The following CDH12 variants were observed in gnomAD, a reference collection of about 807,000 sequenced individuals.
The protein encoded by CDH12 is cadherin 12, also known as cadherin-12.
CDH12 carries 41 observed loss-of-function variants against 74.1 expected under a neutral mutation model. That is an observed-to-expected ratio of 0.55 (90% CI 0.43 to 0.72). The LOEUF is 0.72. Ranked by LOEUF, CDH12 falls within the 30% of genes least tolerant of loss-of-function variation. CDH12 has a pLI of 0.00. For synonymous variants in CDH12, 399 were observed against 355.0 expected (o/e 1.12, Z -1.39); for missense variants, 945 against 977.2 (o/e 0.97, Z 0.44).
intron 3 of CDH12, among the ~76,000 whole-genome samples, chr5:22,225,456 A>AAAAATCAC (rs1361707744): frequency 6.6e-6 from 1 of 152,122 alleles, no homozygotes; most frequent in Non-Finnish European, 1.5e-5. Flanking sequence ...AAATGACATT[A>AAAAATCAC]AAAATCACAA....
chr5:22,489,056 C>CTTT (rs10685463), intron 2 of CDH12, among the ~76,000 whole-genome samples: 1,521 of 37,290 alleles, frequency 0.041, 570 homozygotes, highest in African/African-American at 0.11. Context: ...TTGGTACCAC[C>CTTT]TTTTTTTTTT....
intron 6 of CDH12, among the ~76,000 whole-genome samples, chr5:21,922,430 A>C (rs1347559026): frequency 1.3e-5 from 2 of 152,184 alleles, no homozygotes; most frequent in African/African-American, 4.8e-5. Context: ...ATTATGGGTC[A>C]TCAAACCTAC....
intron 3 of CDH12, among the ~76,000 whole-genome samples, chr5:22,285,526 C>T (rs1356287771): frequency 6.6e-6 from 1 of 152,072 alleles, no homozygotes; most frequent in African/African-American, 2.4e-5. Flanking sequence ...ATAATTATTT[C>T]ATAGTATCAT....
In CDH12 at chr5:21,880,447, TTTCCTTCCTTCCTTCCTTC is replaced by T. The variant is rs1561267550; in HGVS notation, c.527-25676_527-25658del. Among the ~76,000 whole-genome samples the T allele has an allele frequency of 4.8e-5, 7 of 146,620 alleles. No individual in the cohort carries two copies. In the East Asian group the frequency reaches 8.3e-4, roughly 17 times the overall value. The stretch of plus-strand genomic sequence containing the variant: ...TATATACAATGCTTTTCCTTCCTTC[TTTCCTTCCTTCCTTCCTTC>T]TTTCCTTCCTTCCTTCCTTCCTTCC... On this transcript the variant is annotated intron_variant, in intron 6 of 14. Coordinates refer to ENST00000382254, the MANE Select transcript of CDH12 (RefSeq NM_004061.5).
At chr5:22,416,761 C>T (rs1743410005) in intron 2 of CDH12, among the ~76,000 whole-genome samples, 1 of 152,112 alleles carries the variant, frequency 6.6e-6, no homozygotes, top group Non-Finnish European at 1.5e-5. Context: ...ATAGCAAGGA[C>T]CCAAATAAGA....
intron 5 of CDH12, among the ~76,000 whole-genome samples, chr5:21,982,143 T>C (rs1391005424): frequency 2.0e-5 from 3 of 152,188 alleles, no homozygotes; most frequent in Admixed American, 2.0e-4. Flanking sequence ...TTGCCTTCCC[T>C]AATGTGGATG....
At chr5:22,738,697 C>T (rs1379120991) in intron 1 of CDH12, among the ~76,000 whole-genome samples, 1 of 151,750 alleles carries the variant, frequency 6.6e-6, no homozygotes, top group Non-Finnish European at 1.5e-5. Context: ...CACAAATATG[C>T]TAAAATATTG....
intron 3 of CDH12, among the ~76,000 whole-genome samples, chr5:22,369,624 A>G (rs746972592): frequency 6.6e-6 from 1 of 152,218 alleles, no homozygotes; most frequent in Non-Finnish European, 1.5e-5. Context: ...TGAGAGCATC[A>G]ATACCTTTGA....
At chr5:21,808,808 A>G (rs777051614) in intron 9 of CDH12, among the ~76,000 whole-genome samples, 2 of 152,110 alleles carry the variant, frequency 1.3e-5, no homozygotes, top group Non-Finnish European at 2.9e-5. Flanking sequence ...TTGCAACTCA[A>G]TATTTTATAT....
intron 1 of CDH12, among the ~76,000 whole-genome samples, chr5:22,585,378 T>G (rs1010052649): frequency 8.6e-5 from 13 of 151,468 alleles, no homozygotes; most frequent in Non-Finnish European, 1.5e-4. Context: ...CATAGAGCTC[T>G]TTTTTTTACC....
chr5:22,488,922 T>TGAAAA (rs1746722794), intron 2 of CDH12, among the ~76,000 whole-genome samples: 1 of 151,978 alleles, frequency 6.6e-6, no homozygotes, highest in South Asian at 2.1e-4. Flanking sequence ...GAAAACTTCT[T>TGAAAA]CCTTAATGAT....
At chr5:22,022,253 G>A (rs1224047097) in intron 5 of CDH12, among the ~76,000 whole-genome samples, 2 of 152,098 alleles carry the variant, frequency 1.3e-5, no homozygotes, top group South Asian at 2.1e-4. Context: ...CCTGGTGGGA[G>A]GTGATTTGAT....
chr5:22,407,223 C>A (rs1269959028), intron 2 of CDH12, among the ~76,000 whole-genome samples: 1 of 152,052 alleles, frequency 6.6e-6, no homozygotes, highest in Non-Finnish European at 1.5e-5. Context: ...TTCACCCTGT[C>A]TCTCACAAAT....
intron 4 of CDH12, among the ~76,000 whole-genome samples, chr5:22,205,223 C>A (rs1751155404): frequency 6.6e-6 from 1 of 152,114 alleles, no homozygotes; most frequent in African/African-American, 2.4e-5. Flanking sequence ...CAATCTTGGT[C>A]AACAATATTT....
chr5:21,795,137 AAAG>A (rs1746708279), intron 10 of CDH12, among the ~76,000 whole-genome samples: 1 of 151,694 alleles, frequency 6.6e-6, no homozygotes, highest in East Asian at 1.9e-4. Flanking sequence ...CAAAATCATC[AAAG>A]AAGCATCTGA....
At chr5:22,613,916 T>A (rs1351593664) in intron 1 of CDH12, among the ~76,000 whole-genome samples, 2 of 152,132 alleles carry the variant, frequency 1.3e-5, no homozygotes, top group Non-Finnish European at 2.9e-5. Context: ...TTATTTTATA[T>A]TTTTCATTTC....
At chr5:22,443,751 G>T (rs533983019) in intron 2 of CDH12, among the ~76,000 whole-genome samples, 1 of 152,194 alleles carries the variant, frequency 6.6e-6, no homozygotes, top group Admixed American at 6.6e-5. Flanking sequence ...TACAAAGTAA[G>T]GGGTATAAAA....
At chr5:22,405,539 A>G (rs1742907157) in intron 2 of CDH12, among the ~76,000 whole-genome samples, 188 bp from the exon 3 acceptor site, 1 of 152,174 alleles carries the variant, frequency 6.6e-6, no homozygotes, top group African/African-American at 2.4e-5. Context: ...AAAGATAGTA[A>G]CTCTCTGGAA....
intron 2 of CDH12, among the ~76,000 whole-genome samples, chr5:22,408,753 G>T (rs1342662770): frequency 2.0e-5 from 3 of 149,732 alleles, no homozygotes; most frequent in Admixed American, 2.0e-4. Flanking sequence ...CAAAACACCT[G>T]GAAAAAAATA....
Sources: allele counts gnomAD v4.1 joint callset (sites outside exome capture counted in the v4.1 genomes callset), GRCh38; gene constraint gnomAD v4.1.1; transcripts MANE v1.5; gene names NCBI Gene and HGNC (gene_info 2026-07-23, HGNC 2026-07-21).